The following TXK variants were observed in gnomAD, a reference collection of about 807,000 sequenced individuals.
The protein encoded by TXK is tyrosine-protein kinase TXK.
In TXK, 60 loss-of-function variants were observed where a neutral mutation model predicts 81.0. The observed-to-expected ratio is 0.74, with a 90% CI of 0.60 to 0.92. The LOEUF (loss-of-function observed/expected upper bound fraction) is 0.92. Among genes scored for constraint, TXK ranks in the 40% least tolerant of loss-of-function variants. The pLI is 0.00. For missense variants in TXK, 581 were observed against 638.3 expected (o/e 0.91, Z 0.97); for synonymous variants, 203 against 210.7 (o/e 0.96, Z 0.32).
intron 14 of TXK, among the ~76,000 whole-genome samples, chr4:48,069,862 C>G (rs1372194668): frequency 6.6e-6 from 1 of 152,160 alleles, no homozygotes; most frequent in Non-Finnish European, 1.5e-5. Flanking sequence ...GAGCTACTTA[C>G]ATTGTTATTG....
chr4:48,114,471 G>A (rs1718739895), intron 1 of TXK, 69 bp from the exon 2 acceptor site: 2 of 1,461,708 alleles, frequency 1.4e-6, no homozygotes, highest in East Asian at 4.5e-5. Context: ...GTCTCTAAGG[G>A]AAGGGTGAGA....
intron 8 of TXK, among the ~76,000 whole-genome samples, chr4:48,091,500 T>TTTTTC (rs958172083): frequency 6.7e-5 from 10 of 149,620 alleles, no homozygotes; most frequent in Non-Finnish European, 1.2e-4. Context: ...TTTACATTTC[T>TTTTTC]TTTTCTTTTC....
intron 6 of TXK, among the ~76,000 whole-genome samples, chr4:48,096,405 T>C (rs565458007): frequency 1.3e-5 from 2 of 152,104 alleles, no homozygotes; most frequent in Non-Finnish European, 2.9e-5. Context: ...AGAAACAAAG[T>C]AGAAAGGGTA....
chr4:48,066,790 T>C lies in TXK; in HGVS notation c.*847A>G, dbSNP rs1577639731. ...CGAAACAATGGAGCTTGATGTCACA[T>C]TTGGCTATCTTGCTTTTGTCTCCTC... On this transcript the variant is annotated 3_prime_UTR_variant, in exon 15 of 15. Transcript: ENST00000264316. 6.6e-6 allele frequency: 1 copy of C among 152,232 alleles called. No individual in the cohort carries two copies. Among genetic ancestry groups the C allele is most frequent in the South Asian group, 2.1e-4 (1 of 4,832 alleles). 9.4% of individuals were successfully genotyped at this position (152,232 alleles called of 1,614,324 possible).
In TXK at chr4:48,131,459, GT is replaced by G. The variant is rs1425678879; in HGVS notation, c.16+2695del. 5.3e-5 allele frequency among the ~76,000 whole-genome samples: 7 copies of G among 132,094 alleles called. No homozygotes were observed. In the South Asian group the frequency reaches 1.9e-3, roughly 35 times the overall value. 86.7% of individuals were successfully genotyped at this position (132,094 alleles called of 152,430 possible). On this transcript the variant is annotated intron_variant, in intron 1 of 14. Transcript: ENST00000264316. Reference sequence around the variant, plus strand: ...CTGGACTTTTTTTGTTTGTTTGTTTGTTTTTTGATTAACAGTAATACATCTT... The same window carrying G: ...CTGGACTTTTTTTGTTTGTTTGTTTGTTTTTGATTAACAGTAATACATCTT...
At chr4:48,080,490 C>T (rs997801931) in intron 10 of TXK, among the ~76,000 whole-genome samples, 2 of 152,004 alleles carry the variant, frequency 1.3e-5, no homozygotes, top group Non-Finnish European at 2.9e-5. Flanking sequence ...ACTTTCTTAC[C>T]TGCAGCTGTC....
intron 8 of TXK, among the ~76,000 whole-genome samples, chr4:48,093,043 T>G (rs984707587): frequency 1.3e-5 from 2 of 152,186 alleles, no homozygotes; most frequent in Non-Finnish European, 2.9e-5. Context: ...CACTCTTTCT[T>G]TTTTCTTTGG....
At chr4:48,096,353 T>C (rs34059656) in intron 6 of TXK, among the ~76,000 whole-genome samples, 47,192 of 152,048 alleles carry the variant, frequency 0.31, 8,743 homozygotes, top group Non-Finnish European at 0.41. Flanking sequence ...AACAAGTATA[T>C]ATAATATGCA....
At chr4:48,096,678 G>A (rs1422569741) in intron 6 of TXK, among the ~76,000 whole-genome samples, 8 of 152,080 alleles carry the variant, frequency 5.3e-5, no homozygotes, top group Non-Finnish European at 1.0e-4. Context: ...ACAGGCACAT[G>A]CCACCATGCC....
At position 48,134,187 on chromosome 4, in the gene TXK, G is replaced by A; in HGVS notation, c.-17C>T. The A allele has an allele frequency of 1.2e-6, 2 of 1,613,362 alleles. No individual in the cohort carries two copies. The highest frequency in any genetic ancestry group is 1.3e-5 in the African/African-American group (1 of 75,016). The stretch of plus-strand genomic sequence containing the variant: ...AAGGATCATGGTAGCCCCTTCTGCG[G>A]GGAGCACACAACAGTCTTCAGTTCT... On this transcript the variant is annotated 5_prime_UTR_variant, in exon 1 of 15. Coordinates refer to ENST00000264316, the MANE Select transcript of TXK (RefSeq NM_003328.3).
chr4:48,115,790 G>A (rs547525255), intron 1 of TXK, among the ~76,000 whole-genome samples: 1 of 152,252 alleles, frequency 6.6e-6, no homozygotes, highest in East Asian at 1.9e-4. Flanking sequence ...GGGAGATGGA[G>A]GCTGCAGTGA....
At chr4:48,116,013 G>A (rs1718802974) in intron 1 of TXK, among the ~76,000 whole-genome samples, 2 of 152,164 alleles carry the variant, frequency 1.3e-5, no homozygotes, top group South Asian at 2.1e-4. Context: ...AGACAGACCT[G>A]GGGTTTAGCC....
intron 1 of TXK, among the ~76,000 whole-genome samples, chr4:48,133,204 A>G (rs73136297): frequency 0.024 from 3,410 of 144,756 alleles, 148 homozygotes; most frequent in African/African-American, 0.085. Context: ...CTGCCTTCTT[A>G]TTTAGAAGAC....
At chr4:48,070,636 TG>T (rs1390298953) in intron 14 of TXK, among the ~76,000 whole-genome samples, 4 of 152,162 alleles carry the variant, frequency 2.6e-5, no homozygotes, top group African/African-American at 9.7e-5. Flanking sequence ...TGGAGTGTAG[TG>T]GCGCAATCTC....
rs775778228 is a variant in TXK, at chr4:48,067,707, T to C, written c.1516-2A>G. 4.3e-6 allele frequency: 7 copies of C among 1,613,840 alleles called. No individual in the cohort carries two copies. The highest frequency in any genetic ancestry group is 5.1e-6 in the Non-Finnish European group (6 of 1,179,892). ...AAATGTAGGGCGGCCTTCAGGTTTCTGGAAAAGGGAAGTGGGGGTGGTTAG... is the reference window on the plus strand; with the variant it reads ...AAATGTAGGGCGGCCTTCAGGTTTCCGGAAAAGGGAAGTGGGGGTGGTTAG... On this transcript the variant is annotated splice_acceptor_variant, in intron 14 of 14. Transcript: ENST00000264316. LOFTEE classifies it high-confidence loss of function.
At chr4:48,120,428 C>T (rs900948706) in intron 1 of TXK, among the ~76,000 whole-genome samples, 21 of 151,254 alleles carry the variant, frequency 1.4e-4, no homozygotes, top group South Asian at 4.2e-4. Context: ...AAACAAACTA[C>T]GCGTGATCTT....
chr4:48,086,985 G>T (rs977110541), intron 9 of TXK, among the ~76,000 whole-genome samples: 4 of 151,232 alleles, frequency 2.6e-5, no homozygotes, highest in Non-Finnish European at 4.4e-5. Context: ...TCCCAGTCTG[G>T]TTTTTTTTTC....
intron 13 of TXK, 52 bp downstream of exon 13, chr4:48,073,883 T>C (rs915134516): frequency 6.8e-6 from 8 of 1,175,388 alleles, no homozygotes; most frequent in Middle Eastern, 2.0e-4. Context: ...AAATAACACA[T>C]TGCCCATTTT....
rs574120891 is a variant in TXK, at chr4:48,119,943, A to G, written c.17-5541T>C. 3.9e-5 allele frequency among the ~76,000 whole-genome samples: 6 copies of G among 152,288 alleles called. No individual in the cohort carries two copies. The South Asian group carries it at 1.2e-3, about 32-fold the overall frequency. The stretch of plus-strand genomic sequence containing the variant: ...GTTACATAAATGAATGAAGTAGGTC[A>G]GAATAGAGTGTAGACTGTGGCAAAA... On this transcript the variant is annotated intron_variant, in intron 1 of 14. Transcript: ENST00000264316.
Sources: allele counts gnomAD v4.1 joint callset (sites outside exome capture counted in the v4.1 genomes callset), GRCh38; gene constraint gnomAD v4.1.1; transcripts MANE v1.5; gene names NCBI Gene and HGNC (gene_info 2026-07-23, HGNC 2026-07-21).